NRG1: variants seen among roughly 807,000 people sequenced by gnomAD.
The protein encoded by NRG1 is neuregulin 1.
A neutral mutation model predicts 63.8 loss-of-function variants in NRG1; 18 were observed. The ratio of observed to expected loss-of-function variants is 0.28; its 90% confidence interval spans 0.19 to 0.42. The LOEUF (loss-of-function observed/expected upper bound fraction) is 0.42. Ranked by LOEUF, NRG1 falls within the 10% of genes least tolerant of loss-of-function variation. The probability of loss-of-function intolerance (pLI) is 1.00; values close to 1 mark genes in which losing one functional copy is unlikely to be tolerated. For missense variants in NRG1, 762 were observed against 814.7 expected (o/e 0.94, Z 0.79); for synonymous variants, 302 against 301.3 (o/e 1.00, Z -0.02).
At chr8:32,121,247 G>GTGTGTATATAAAGTTAA (rs1833405407) in intron 1 of NRG1, among the ~76,000 whole-genome samples, 3 of 152,062 alleles carry the variant, frequency 2.0e-5, no homozygotes, top group African/African-American at 7.2e-5. Flanking sequence ...ACTCCGTTCA[G>GTGTGTATATAAAGTTAA]TGTGTATATA....
intron 1 of NRG1, among the ~76,000 whole-genome samples, chr8:32,532,562 T>A (rs1003994491): frequency 1.3e-5 from 2 of 152,154 alleles, no homozygotes; most frequent in Non-Finnish European, 2.9e-5. Context: ...ATTTCTCTTA[T>A]GGAAACTTTT....
intron 1 of NRG1, among the ~76,000 whole-genome samples, chr8:31,805,906 A>G (rs746092606): frequency 1.8e-4 from 27 of 151,788 alleles, no homozygotes; most frequent in Non-Finnish European, 3.4e-4. Context: ...CTATGCTAGT[A>G]TTTCTGCATA....
intron 5 of NRG1, among the ~76,000 whole-genome samples, chr8:32,689,170 A>G (rs150389608): frequency 2.7e-3 from 417 of 152,292 alleles, no homozygotes; most frequent in Non-Finnish European, 4.7e-3. Context: ...AAATAGTAAA[A>G]TTTGCAAAAG....
intron 1 of NRG1, among the ~76,000 whole-genome samples, chr8:32,220,486 C>T (rs1041793245): frequency 4.6e-5 from 7 of 151,954 alleles, no homozygotes; most frequent in Non-Finnish European, 1.0e-4. Flanking sequence ...GGTTTAATAT[C>T]GGTTAGTAGC....
intron 1 of NRG1, among the ~76,000 whole-genome samples, chr8:31,832,062 A>T (rs1271174028): frequency 6.6e-6 from 1 of 152,208 alleles, no homozygotes; most frequent in Non-Finnish European, 1.5e-5. Context: ...TAATTGAGGC[A>T]TTCATCTCAT....
chr8:32,381,369 A>G (rs976198187), intron 1 of NRG1, among the ~76,000 whole-genome samples: 8 of 152,180 alleles, frequency 5.3e-5, no homozygotes, highest in African/African-American at 1.7e-4. Flanking sequence ...ACTTGTTACC[A>G]TCTGATTATG....
At chr8:31,646,636 G>A (rs774895631) in intron 1 of NRG1, among the ~76,000 whole-genome samples, 2 of 152,198 alleles carry the variant, frequency 1.3e-5, no homozygotes, top group African/African-American at 2.4e-5. Flanking sequence ...TATGGAGTTG[G>A]TAAATTTTTT....
chr8:32,633,753 C>T (rs1850769484), intron 5 of NRG1, among the ~76,000 whole-genome samples: 1 of 152,120 alleles, frequency 6.6e-6, no homozygotes, highest in Admixed American at 6.5e-5. Context: ...CCAGTGCCTT[C>T]CTTCCTCTTT....
chr8:32,231,162 G>T (rs574563283), intron 1 of NRG1, among the ~76,000 whole-genome samples: 3 of 152,094 alleles, frequency 2.0e-5, no homozygotes, highest in South Asian at 2.1e-4. Flanking sequence ...AATGACTCAG[G>T]TTTCTTGCCT....
In NRG1 at chr8:32,463,866, T is replaced by G. The variant is rs1822655706; in HGVS notation, c.38-131962T>G. Reference sequence around the variant, plus strand: ...CTTCACACACACACACGAAAAAAACTTAGAATTCTTTTTTTTTTTTTTTTT... The same window carrying G: ...CTTCACACACACACACGAAAAAAACGTAGAATTCTTTTTTTTTTTTTTTTT... On this transcript the variant is annotated intron_variant, in intron 1 of 10. Coordinates refer to the NRG1 transcript ENST00000519301. 4.0e-5 allele frequency among the ~76,000 whole-genome samples: 5 copies of G among 123,484 alleles called. 1 individual carries two copies. The South Asian group carries it at 1.2e-3, about 30-fold the overall frequency. 81.0% of individuals were successfully genotyped at this position (123,484 alleles called of 152,430 possible).
intron 1 of NRG1, among the ~76,000 whole-genome samples, chr8:32,389,993 C>A (rs1295231378): frequency 1.3e-5 from 2 of 152,152 alleles, no homozygotes; most frequent in Non-Finnish European, 2.9e-5. Flanking sequence ...CTCCTGACTT[C>A]AAGTGATCTG....
chr8:32,288,368 G>T (rs1157077785), intron 1 of NRG1, among the ~76,000 whole-genome samples: 1 of 152,126 alleles, frequency 6.6e-6, no homozygotes, highest in African/African-American at 2.4e-5. Flanking sequence ...GGCATGAAAA[G>T]AATTTCATGA....
At chr8:32,068,515 A>C (rs1825243174) in intron 1 of NRG1, among the ~76,000 whole-genome samples, 1 of 152,196 alleles carries the variant, frequency 6.6e-6, no homozygotes, top group African/African-American at 2.4e-5. Flanking sequence ...AGTCTTAATT[A>C]GGAGAAAAAG....
At position 32,698,643 on chromosome 8, in the gene NRG1, G is replaced by A. The variant is rs550298297; in HGVS notation, c.503-29306G>A. 1.7e-4 allele frequency among the ~76,000 whole-genome samples: 26 copies of A among 152,296 alleles called. 1 individual carries two copies. In the East Asian group the frequency reaches 1.9e-3, roughly 11 times the overall value. On this transcript the variant is annotated intron_variant, in intron 5 of 11. Transcript: ENST00000356819. ...CCGGGGAACTGTACAAGGGAGCAAA[G>A]GCCCCTTCTTCAGATGAGTTCAGGA...
chr8:32,639,472 G>A (rs535328678), intron 5 of NRG1, among the ~76,000 whole-genome samples: 2 of 152,174 alleles, frequency 1.3e-5, no homozygotes, highest in South Asian at 2.1e-4. Flanking sequence ...AATACTTCAG[G>A]TAATCCCTTT....
intron 1 of NRG1, among the ~76,000 whole-genome samples, chr8:31,899,853 A>G (rs1831927900): frequency 6.6e-6 from 1 of 151,576 alleles, no homozygotes; most frequent in African/African-American, 2.5e-5. Context: ...AAGAAATAGA[A>G]TGAATAAGAA....
chr8:32,764,218 A>G (rs1256153156), exon 12 of NRG1: 1 of 1,614,132 alleles, frequency 6.2e-7, no homozygotes, highest in Non-Finnish European at 8.5e-7. Flanking sequence ...ACAGAAGATG[A>G]AAGAGTAGGT....
At chr8:32,014,032 C>A (rs1031361360) in intron 1 of NRG1, among the ~76,000 whole-genome samples, 2 of 152,162 alleles carry the variant, frequency 1.3e-5, no homozygotes, top group Non-Finnish European at 2.9e-5. Flanking sequence ...GGCCTCACAT[C>A]ACCTTTTCTT....
At chr8:32,763,490 G>C in intron 11 of NRG1, 1 of 1,176,544 alleles carries the variant, frequency 8.5e-7, no homozygotes, top group Non-Finnish European at 1.2e-6. Context: ...ATTGTGATGA[G>C]ATTGAAAATC....
Sources: allele counts gnomAD v4.1 joint callset (sites outside exome capture counted in the v4.1 genomes callset), GRCh38; gene constraint gnomAD v4.1.1; transcripts MANE v1.5; gene names NCBI Gene and HGNC (gene_info 2026-07-23, HGNC 2026-07-21).